TVP23B: variants seen among roughly 807,000 people sequenced by gnomAD.
TVP23B encodes the protein Golgi apparatus membrane protein TVP23 homolog B.
In TVP23B, 10 loss-of-function variants were observed where a neutral mutation model predicts 30.6. The observed-to-expected ratio is 0.33, with a 90% confidence interval of 0.20 to 0.55. The LOEUF is 0.55. Among genes scored for constraint, TVP23B ranks in the 20% least tolerant of loss-of-function variants. The pLI is 0.91. For synonymous variants in TVP23B, 67 were observed against 83.1 expected (o/e 0.81, Z 1.06); for missense variants, 153 against 243.2 (o/e 0.63, Z 2.47).
At chr17:18,793,013 T>C (rs1473629404) in intron 3 of TVP23B, among the ~76,000 whole-genome samples, 1 of 152,044 alleles carries the variant, frequency 6.6e-6, no homozygotes, top group Non-Finnish European at 1.5e-5. Flanking sequence ...ACACATAAAA[T>C]ACACTAACAT....
chr17:18,781,215 G>T lies in TVP23B; in HGVS notation c.-79G>T. The T allele has an allele frequency of 3.2e-6, 5 of 1,544,456 alleles. No homozygotes were observed. Among genetic ancestry groups the T allele is most frequent in the Non-Finnish European group, 4.4e-6 (5 of 1,144,298 alleles). On this transcript the variant is annotated 5_prime_UTR_variant, in exon 1 of 7. Transcript: ENST00000307767. Reference sequence around the variant, plus strand: ...TGGTCCCTGCTGGCCCTTGGTGACGGGTCGCCTCAGTTCCGACCCGGACCC... The same window carrying T: ...TGGTCCCTGCTGGCCCTTGGTGACGTGTCGCCTCAGTTCCGACCCGGACCC...
chr17:18,783,504 G>A (rs144339828), intron 1 of TVP23B, among the ~76,000 whole-genome samples: 2,049 of 152,230 alleles, frequency 0.013, 13 homozygotes, highest in Non-Finnish European at 0.018. Flanking sequence ...TCACCCTCTC[G>A]CCTTAGGCAA....
In TVP23B at chr17:18,805,697, A is replaced by G. The variant is rs1037214006; in HGVS notation, c.*130A>G. ...GTTTTTCCACTTAAAAACTTTATTT[A>G]TAAAAAGGAAAAGTAGTTTTCATAT... On this transcript the variant is annotated 3_prime_UTR_variant, in exon 7 of 7. Transcript: ENST00000307767. 5.4e-6 allele frequency: 8 copies of G among 1,480,832 alleles called. No homozygotes were observed. Among genetic ancestry groups the G allele is most frequent in the Admixed American group, 2.5e-5 (1 of 39,276 alleles). The allele number at this position is 1,480,832 out of a possible 1,614,324, so 91.7% of individuals were successfully genotyped here. A position where few individuals can be genotyped will look rare whatever the true frequency, so the allele number is the denominator to read the frequency against.
At chr17:18,787,796 A>G (rs1467664792) in intron 1 of TVP23B, among the ~76,000 whole-genome samples, 2 of 151,986 alleles carry the variant, frequency 1.3e-5, no homozygotes, top group African/African-American at 2.4e-5. Context: ...GTGATCTTCT[A>G]TGCTTTATGT....
At chr17:18,784,983 C>A (rs1480711999) in intron 1 of TVP23B, among the ~76,000 whole-genome samples, 1 of 152,220 alleles carries the variant, frequency 6.6e-6, no homozygotes, top group Non-Finnish European at 1.5e-5. Context: ...TCAGCAAATC[C>A]TGTCAGCTCT....
At chr17:18,781,346 G>A (rs1277063069) in intron 1 of TVP23B, 41 bp downstream of exon 1, 6 of 1,566,366 alleles carry the variant, frequency 3.8e-6, no homozygotes, top group African/African-American at 1.4e-5. Context: ...GCGGCTCCTG[G>A]GACTGGCTCT....
At chr17:18,793,990 A>G (rs1440212692) in intron 3 of TVP23B, among the ~76,000 whole-genome samples, 1 of 151,970 alleles carries the variant, frequency 6.6e-6, no homozygotes, top group East Asian at 1.9e-4. Flanking sequence ...TCAGAGTAAG[A>G]AAGCACTAAG....
At chr17:18,798,014 C>T (rs1181932238) in intron 4 of TVP23B, among the ~76,000 whole-genome samples, 1 of 151,736 alleles carries the variant, frequency 6.6e-6, no homozygotes, top group African/African-American at 2.4e-5. Flanking sequence ...CTTTTAACAT[C>T]TTGTTCTGTC....
intron 1 of TVP23B, among the ~76,000 whole-genome samples, chr17:18,785,608 T>C (rs1464549774): frequency 6.6e-6 from 1 of 152,088 alleles, no homozygotes; most frequent in East Asian, 1.9e-4. Context: ...GCATGGTGGC[T>C]CATGCCTCTA....
intron 3 of TVP23B, chr17:18,796,749 CA>C (rs1366563702): frequency 2.0e-5 from 3 of 152,130 alleles, no homozygotes; most frequent in African/African-American, 7.2e-5. Flanking sequence ...ATGAAGGTAA[CA>C]TTTTTTTTTA....
chr17:18,788,439 TG>T (rs1218830814), intron 1 of TVP23B, among the ~76,000 whole-genome samples: 1 of 152,188 alleles, frequency 6.6e-6, no homozygotes, highest in Non-Finnish European at 1.5e-5. Context: ...AATCTTTTTT[TG>T]CCTAATAAGT....
chr17:18,797,356 G>C, intron 3 of TVP23B: 2 of 530,184 alleles, frequency 3.8e-6, no homozygotes, highest in South Asian at 4.2e-5. Context: ...GTTTATGGGT[G>C]GACTTGTTGC....
At chr17:18,787,789 ATCT>A (rs779963885) in intron 1 of TVP23B, among the ~76,000 whole-genome samples, 1 of 152,048 alleles carries the variant, frequency 6.6e-6, no homozygotes, top group African/African-American at 2.4e-5. Flanking sequence ...AGATTCTGTG[ATCT>A]TCTATGCTTT....
rs1235810800 is a variant in TVP23B at position 18,805,391 on chromosome 17, T to C, written c.592-150T>C. ...AAGCCACGGCGCCCAGCCTAGCATG[T>C]CTACTTTTTAATGTGATTGGGCCAT... On this transcript the variant is annotated intron_variant, in intron 6 of 6. Transcript: ENST00000307767. 47 of 1,426,370 alleles carry C rather than the reference T, an allele frequency of 3.3e-5. 1 individual carries two copies. In the South Asian group the frequency reaches 7.4e-4, roughly 22 times the overall value. 88.4% of individuals were successfully genotyped at this position (1,426,370 alleles called of 1,614,324 possible). A position where few individuals can be genotyped will look rare whatever the true frequency, so the allele number is the denominator to read the frequency against.
chr17:18,800,946 CA>C (rs1204610894), intron 5 of TVP23B, among the ~76,000 whole-genome samples: 2 of 152,248 alleles, frequency 1.3e-5, no homozygotes, highest in Non-Finnish European at 2.9e-5. Context: ...TCTGGAGACA[CA>C]GGGGGATAAG....
rs1337377503 is a variant in TVP23B at position 18,798,859 on chromosome 17, C to A, written c.378C>A (p.Ile126=). 15 of 1,613,742 alleles carry A rather than the reference C, an allele frequency of 9.3e-6. No individual in the cohort carries two copies. The highest frequency in any genetic ancestry group is 1.3e-5 in the Non-Finnish European group (15 of 1,179,840). ...NKTVSEAESR[I]FWLGLIACPV... ...CTGTGTCAGAGGCTGAATCAAGAAT[C>A]TTTTGGTTGGGACTTATTGCCTGTC... Residue 126 remains isoleucine, a synonymous_variant, in exon 5 of 7, where the codon ATC becomes ATA. Transcript: ENST00000307767.
chr17:18,800,342 A>G (rs542563115), intron 5 of TVP23B, among the ~76,000 whole-genome samples: 32 of 152,204 alleles, frequency 2.1e-4, no homozygotes, highest in African/African-American at 7.0e-4. Context: ...CATATTTCTT[A>G]CTGGTTGTTT....
At chr17:18,783,250 C>T (rs542487296) in intron 1 of TVP23B, among the ~76,000 whole-genome samples, 45 of 152,074 alleles carry the variant, frequency 3.0e-4, no homozygotes, top group Admixed American at 2.3e-3. Context: ...GGATTACAGG[C>T]GCCTGCCACC....
rs912476592 is a variant in TVP23B, at chr17:18,781,358, C to A, written c.12+53C>A. ...GTGGCGGCTCCTGGGACTGGCTCTG[C>A]AGGTTCCGTGGGACTGGAGCCCGCG... On this transcript the variant is annotated intron_variant, in intron 1 of 6. Transcript: ENST00000307767. The A allele has an allele frequency of 3.2e-6, 5 of 1,558,350 alleles. No individual in the cohort carries two copies. The African/African-American group carries it at 6.8e-5, about 21-fold the overall frequency.
Sources: allele counts gnomAD v4.1 joint callset (sites outside exome capture counted in the v4.1 genomes callset), GRCh38; gene constraint gnomAD v4.1.1; transcripts MANE v1.5; gene names NCBI Gene and HGNC (gene_info 2026-07-23, HGNC 2026-07-21).